SH3GL3: variants seen among roughly 807,000 people sequenced by gnomAD.
SH3GL3 encodes SH3 domain containing GRB2 like 3, endophilin A3.
A neutral mutation model predicts 47.7 loss-of-function variants in SH3GL3; 33 were observed. The ratio of observed to expected loss-of-function variants is 0.69; its 90% CI spans 0.52 to 0.92. SH3GL3 has a LOEUF of 0.92. SH3GL3 is among the 40% of genes least tolerant of loss of function. The pLI, the probability that SH3GL3 is intolerant of heterozygous loss-of-function variation, is 0.00. For synonymous variants in SH3GL3, 155 were observed against 148.8 expected, an observed-to-expected ratio of 1.04 and a Z score of -0.30; for missense variants, 363 against 417.8, an observed-to-expected ratio of 0.87 and a Z score of 1.14.
intron 1 of SH3GL3, among the ~76,000 whole-genome samples, chr15:83,556,011 A>T (rs2044936983): frequency 6.6e-6 from 1 of 152,194 alleles, no homozygotes; most frequent in African/African-American, 2.4e-5. Flanking sequence ...TTGATATTTA[A>T]TCTATCCTTG....
chr15:83,585,456 A>G (rs1318212526), intron 6 of SH3GL3, among the ~76,000 whole-genome samples: 1 of 152,216 alleles, frequency 6.6e-6, no homozygotes, highest in African/African-American at 2.4e-5. Context: ...AAAGTGGGTA[A>G]TAAGACAGGG....
At chr15:83,458,986 C>A (rs1296729536) in intron 1 of SH3GL3, among the ~76,000 whole-genome samples, 1 of 152,186 alleles carries the variant, frequency 6.6e-6, no homozygotes, top group African/African-American at 2.4e-5. Flanking sequence ...AGACTGAGTC[C>A]CCAAACCTCA....
At chr15:83,602,775 T>G (rs1400546379) in intron 8 of SH3GL3, among the ~76,000 whole-genome samples, 3 of 152,134 alleles carry the variant, frequency 2.0e-5, no homozygotes, top group Non-Finnish European at 4.4e-5. Context: ...TAGACCCTGG[T>G]TCTGCTCTCT....
intron 1 of SH3GL3, among the ~76,000 whole-genome samples, chr15:83,557,437 A>G (rs1021104703): frequency 1.3e-5 from 2 of 152,208 alleles, no homozygotes; most frequent in African/African-American, 4.8e-5. Context: ...CTCAGCCTGA[A>G]AAGTAAGGAT....
chr15:83,563,568 G>C (rs1002350567), intron 2 of SH3GL3, among the ~76,000 whole-genome samples: 1 of 152,094 alleles, frequency 6.6e-6, no homozygotes, highest in African/African-American at 2.4e-5. Context: ...AGAATGTAAA[G>C]CATCTCCTTT....
chr15:83,596,988 A>G (rs1216830745), intron 8 of SH3GL3, among the ~76,000 whole-genome samples: 1 of 152,092 alleles, frequency 6.6e-6, no homozygotes, highest in Admixed American at 6.6e-5. Context: ...TATTTAGCAT[A>G]TCTATTGAAT....
intron 1 of SH3GL3, among the ~76,000 whole-genome samples, chr15:83,502,996 G>T (rs1442021361): frequency 6.6e-6 from 1 of 152,070 alleles, no homozygotes. Flanking sequence ...CATTAATTGA[G>T]TGTTTGTAGT....
chr15:83,456,877 T>G (rs1045886647), intron 1 of SH3GL3, among the ~76,000 whole-genome samples: 1 of 152,272 alleles, frequency 6.6e-6, no homozygotes, highest in Non-Finnish European at 1.5e-5. Context: ...ATATTTTTTC[T>G]CTTGACAAGA....
At chr15:83,576,503 G>T in intron 5 of SH3GL3, 80 bp from the exon 6 acceptor site, 2 of 1,336,436 alleles carry the variant, frequency 1.5e-6, no homozygotes, top group South Asian at 3.0e-5. Context: ...AAAAAGCAAT[G>T]ACCATTTTAA....
chr15:83,627,271 C>T, the SH3GL3 span, among the ~76,000 whole-genome samples: 1 of 151,904 alleles, frequency 6.6e-6, no homozygotes, highest in African/African-American at 2.4e-5. Flanking sequence ...GTGGCGGGCA[C>T]CTGTAGTCCA....
intron 1 of SH3GL3, among the ~76,000 whole-genome samples, chr15:83,498,240 A>G (rs964328503): frequency 2.0e-5 from 3 of 152,228 alleles, no homozygotes; most frequent in Admixed American, 1.3e-4. Flanking sequence ...ACTAGAAACT[A>G]TAAAACCAGC....
intron 8 of SH3GL3, among the ~76,000 whole-genome samples, chr15:83,592,501 A>T (rs2060134099): frequency 1.4e-5 from 2 of 139,936 alleles, no homozygotes; most frequent in Non-Finnish European, 3.3e-5. Flanking sequence ...AAATGCTAAG[A>T]CCCATGTCAT....
chr15:83,518,100 A>G (rs1472691098), intron 1 of SH3GL3, among the ~76,000 whole-genome samples: 7 of 152,214 alleles, frequency 4.6e-5, no homozygotes, highest in Non-Finnish European at 7.3e-5. Context: ...TTATGGCTGC[A>G]TAGTATTCCA....
intron 4 of SH3GL3, among the ~76,000 whole-genome samples, chr15:83,571,500 C>T (rs186260422): frequency 3.3e-5 from 5 of 152,066 alleles, no homozygotes; most frequent in East Asian, 3.9e-4. Context: ...CCACTGGGTC[C>T]GTATGGAGTC....
chr15:83,458,028 G>A (rs1201308924), intron 1 of SH3GL3, among the ~76,000 whole-genome samples: 1 of 152,144 alleles, frequency 6.6e-6, no homozygotes, highest in African/African-American at 2.4e-5. Context: ...AGTTAAGTGT[G>A]TGTGTGGGTA....
intron 1 of SH3GL3, among the ~76,000 whole-genome samples, chr15:83,457,665 T>A (rs1282973997): frequency 6.6e-6 from 1 of 152,128 alleles, no homozygotes; most frequent in Non-Finnish European, 1.5e-5. Context: ...TCCATAATGA[T>A]TTATTTTTTT....
At chr15:83,624,453 C>T in the SH3GL3 span, among the ~76,000 whole-genome samples, 1 of 152,174 alleles carries the variant, frequency 6.6e-6, no homozygotes, top group South Asian at 2.1e-4. Context: ...GGATGAAAAC[C>T]TATTCATATG....
chr15:83,460,768 A>G lies in SH3GL3; in HGVS notation c.45+13190A>G, dbSNP rs141927589. The stretch of plus-strand genomic sequence containing the variant: ...TGGTCTTGGTATGATGCTGTAAATC[A>G]TGATTCTGGTTGTTATCTTAAAATA... On this transcript the variant is annotated intron_variant, in intron 1 of 8. Transcript: ENST00000427482. Among the ~76,000 whole-genome samples the G allele has an allele frequency of 4.4e-3, 672 of 152,278 alleles. 4 individuals carry two copies. Among genetic ancestry groups the G allele is most frequent in the Non-Finnish European group, 6.3e-3 (426 of 68,030 alleles).
intron 3 of SH3GL3, chr15:83,565,604 T>C (rs1012396184): frequency 1.3e-5 from 2 of 153,844 alleles, no homozygotes; most frequent in Non-Finnish European, 2.9e-5. Flanking sequence ...TGAAAAAGCT[T>C]TCTCTTTGTG....
Sources: gnomAD v4.1 joint callset for allele counts (sites outside exome capture counted in the v4.1 genomes callset) on GRCh38, gnomAD v4.1.1 for gene constraint, MANE v1.5 for transcripts, NCBI Gene and HGNC (gene_info 2026-07-23, HGNC 2026-07-21) for gene names.